Variants in JAK1 observed in about 807,000 individuals in gnomAD.
JAK1 encodes Janus kinase 1.
JAK1 carries 16 observed loss-of-function variants against 136.6 expected under a neutral mutation model. The ratio of observed to expected loss-of-function variants is 0.12; its 90% CI spans 0.08 to 0.18. The LOEUF (loss-of-function observed/expected upper bound fraction) is 0.18. Among genes scored for constraint, JAK1 ranks in the 10% least tolerant of loss-of-function variants. The pLI is 1.00. For missense variants in JAK1, 859 were observed against 1,450.1 expected, an observed-to-expected ratio of 0.59 and a Z score of 6.62; for synonymous variants, 492 against 519.5, an observed-to-expected ratio of 0.95 and a Z score of 0.72.
intron 2 of JAK1, among the ~76,000 whole-genome samples, chr1:65,009,541 C>T (rs1424694880): frequency 1.3e-5 from 2 of 152,072 alleles, no homozygotes; most frequent in Non-Finnish European, 2.9e-5. Context: ...AAGTTAATTC[C>T]ATTTTCAATA....
In JAK1 at chr1:65,067,572, C is replaced by G. The variant is rs955544549; in HGVS notation, c.-181+32G>C. 6.2e-5 allele frequency: 9 copies of G among 145,548 alleles called. No individual in the cohort carries two copies. In the East Asian group the frequency reaches 1.9e-3, roughly 31 times the overall value. 9.0% of individuals were successfully genotyped at this position (145,548 alleles called of 1,614,324 possible). A position where few individuals can be genotyped will look rare whatever the true frequency, so the allele number is the denominator to read the frequency against. On this transcript the variant is annotated intron_variant, in intron 1 of 25. Transcript: ENST00000671954. ...GCGCTCGGCCCCGCGCGCCCCGCCG[C>G]CCCCGCGCCCGGCCGCCGCCCCCAC...
rs192805047 is a variant in JAK1 at position 64,944,483 on chromosome 1, T to A, written c.-78+21850A>T. Among the ~76,000 whole-genome samples the A allele has an allele frequency of 2.8e-4, 43 of 152,256 alleles. No individual in the cohort carries two copies. The Middle Eastern group carries it at 0.014, about 48-fold the overall frequency. ...TTGTTTGCTAATTCTAGAAATGTAT[T>A]CTAAGCAAACAATAATAACATACAA... On this transcript the variant is annotated intron_variant, in intron 1 of 24. Transcript: ENST00000342505.
chr1:64,926,204 G>A (rs1218935660), intron 1 of JAK1, among the ~76,000 whole-genome samples: 1 of 152,058 alleles, frequency 6.6e-6, no homozygotes, highest in Non-Finnish European at 1.5e-5. Flanking sequence ...TCCAGTTCCT[G>A]CCTCTCTCCT....
intron 1 of JAK1, among the ~76,000 whole-genome samples, chr1:64,900,803 C>A (rs564891224): frequency 7.9e-5 from 12 of 152,318 alleles, no homozygotes; most frequent in African/African-American, 2.9e-4. Flanking sequence ...TACAAGGCTA[C>A]TTGTAATCAA....
At chr1:65,041,110 C>T (rs1353344922) in intron 2 of JAK1, among the ~76,000 whole-genome samples, 2 of 152,212 alleles carry the variant, frequency 1.3e-5, no homozygotes, top group Admixed American at 6.5e-5. Flanking sequence ...CAGAGCTGGA[C>T]TGCTCAGAGA....
intron 1 of JAK1, among the ~76,000 whole-genome samples, chr1:64,889,422 T>C (rs1644901212): frequency 1.3e-5 from 2 of 152,206 alleles, no homozygotes; most frequent in African/African-American, 2.4e-5. Flanking sequence ...ATTTATAAAA[T>C]TGTCAAGGAT....
At chr1:64,911,592 C>T (rs867648492) in intron 1 of JAK1, among the ~76,000 whole-genome samples, 15 of 152,194 alleles carry the variant, frequency 9.9e-5, no homozygotes, top group South Asian at 8.3e-4. Context: ...TGAGACTCCA[C>T]GCAGGTCTAC....
At position 64,937,891 on chromosome 1, in the gene JAK1, T is replaced by C. The variant is rs185897741; in HGVS notation, c.-78+28442A>G. ...AACAGAGAATGTCAAAATCTTCTTT[T>C]TTTTTTGAGAGGGAGTCTCACTCTG... On this transcript the variant is annotated intron_variant, in intron 1 of 24. Transcript: ENST00000342505. Among the ~76,000 whole-genome samples, 154 of 152,236 alleles carry C rather than the reference T, an allele frequency of 1.0e-3. 1 individual carries two copies. The highest frequency in any genetic ancestry group is 3.5e-3 in the African/African-American group (145 of 41,534).
At chr1:64,950,507 AG>A (rs760282690) in intron 1 of JAK1, among the ~76,000 whole-genome samples, 3 of 152,212 alleles carry the variant, frequency 2.0e-5, no homozygotes, top group Non-Finnish European at 2.9e-5. Flanking sequence ...TATCATTCTT[AG>A]GAACAAACCA....
At chr1:64,980,578 TTA>T (rs958607103) in intron 2 of JAK1, among the ~76,000 whole-genome samples, 6 of 151,366 alleles carry the variant, frequency 4.0e-5, no homozygotes, top group South Asian at 2.1e-4. Context: ...AACTCTTTTT[TTA>T]TATATATATA....
chr1:64,983,220 CAT>C (rs2100701545), intron 2 of JAK1, among the ~76,000 whole-genome samples: 1 of 152,234 alleles, frequency 6.6e-6, no homozygotes, highest in South Asian at 2.1e-4. Flanking sequence ...TGACAGTGCA[CAT>C]ACATTCATAC....
upstream of JAK1, among the ~76,000 whole-genome samples, chr1:64,969,567 T>A (rs916474709): frequency 6.6e-6 from 1 of 152,104 alleles, no homozygotes; most frequent in African/African-American, 2.4e-5. Context: ...ATTAATTACA[T>A]GTCATTGTAA....
At chr1:64,977,225 C>T (rs10465847) in intron 2 of JAK1, among the ~76,000 whole-genome samples, 4,019 of 152,228 alleles carry the variant, frequency 0.026, 181 homozygotes, top group African/African-American at 0.091. Flanking sequence ...CCACAGCTCA[C>T]TCCAGCCTTG....
At chr1:65,000,295 A>G (rs753588339) in intron 2 of JAK1, among the ~76,000 whole-genome samples, 6 of 152,122 alleles carry the variant, frequency 3.9e-5, no homozygotes, top group Non-Finnish European at 7.4e-5. Flanking sequence ...TGAACCCAGC[A>G]ATACCACTTC....
At chr1:64,841,806 TG>T (rs1462190204) in intron 17 of JAK1, among the ~76,000 whole-genome samples, 1 of 152,198 alleles carries the variant, frequency 6.6e-6, no homozygotes, top group Non-Finnish European at 1.5e-5. Flanking sequence ...TCAAGGAGAC[TG>T]GGCACTATAG....
At chr1:65,031,713 A>G (rs1410575399) in intron 2 of JAK1, among the ~76,000 whole-genome samples, 1 of 152,152 alleles carries the variant, frequency 6.6e-6, no homozygotes, top group East Asian at 1.9e-4. Flanking sequence ...TGAAGTGTTT[A>G]GGGGTCTCCT....
upstream of JAK1, among the ~76,000 whole-genome samples, chr1:64,970,162 G>A (rs970654557): frequency 2.2e-5 from 2 of 89,232 alleles, no homozygotes; most frequent in Admixed American, 1.3e-4. Flanking sequence ...AAAACGGCCG[G>A]GCACAGTGGC....
chr1:65,015,763 C>A (rs1215304652), intron 2 of JAK1, among the ~76,000 whole-genome samples: 1 of 152,120 alleles, frequency 6.6e-6, no homozygotes, highest in Non-Finnish European at 1.5e-5. Context: ...AGCCAAAAAT[C>A]ATTATTGAAA....
At chr1:64,904,901 T>C (rs1306235973) in intron 1 of JAK1, among the ~76,000 whole-genome samples, 1 of 152,158 alleles carries the variant, frequency 6.6e-6, no homozygotes, top group Non-Finnish European at 1.5e-5. Context: ...TTCCAGAAGG[T>C]AATGCCCGGA....
Sources: allele counts gnomAD v4.1 joint callset (sites outside exome capture counted in the v4.1 genomes callset), GRCh38; gene constraint gnomAD v4.1.1; transcripts MANE v1.5; gene names NCBI Gene and HGNC (gene_info 2026-07-23, HGNC 2026-07-21).